The following SLC12A3 variants were observed in gnomAD, a reference collection of about 807,000 sequenced individuals.
SLC12A3 encodes solute carrier family 12 member 3.
In SLC12A3, 104 loss-of-function variants were observed where a neutral mutation model predicts 121.0. That is an observed-to-expected ratio of 0.86 (90% CI 0.73 to 1.01). The LOEUF is 1.01. SLC12A3 is among the 50% of genes least tolerant of loss of function. SLC12A3 has a pLI of 0.00. For synonymous variants in SLC12A3, 536 were observed against 533.4 expected (o/e 1.00, Z -0.07); for missense variants, 1,328 against 1,356.3 (o/e 0.98, Z 0.33).
At position 56,868,372 on chromosome 16, in the gene SLC12A3, G is replaced by C. The variant is rs201650578; in HGVS notation, c.505G>C (p.Val169Leu). ...CTGGATTACGGCCCAGGCAGGCATC[G>C]GTGAGTGCCCCTCTGGGGAAGAGGA... ...LPWITAQAGIVLTWIIILLSV... is the reference protein window; with the variant it reads ...LPWITAQAGILLTWIIILLSV... The change falls in exon 3 of 26, where the codon GTC becomes CTC. Residue 169 changes from valine (V) to leucine (L), a missense_variant and splice_region_variant. By Grantham distance (32) the Val-to-Leu change is conservative (BLOSUM62 1). Coordinates refer to ENST00000563236, the MANE Select transcript of SLC12A3 (RefSeq NM_001126108.2). 5.0e-6 allele frequency: 8 copies of C among 1,611,670 alleles called. No homozygotes were observed. In the Admixed American group the frequency reaches 1.2e-4, roughly 24 times the overall value.
chr16:56,915,137 G>T lies in SLC12A3; in HGVS notation c.*1732G>T. The stretch of plus-strand genomic sequence containing the variant: ...TGCCAGTGGGTGAGGCCAAGTGAGG[G>T]TATTTGCAGCTCTAGACATAACCAA... On this transcript the variant is annotated 3_prime_UTR_variant, in exon 26 of 26. Transcript: ENST00000563236. 6.6e-6 allele frequency: 1 copy of T among 152,390 alleles called. No homozygotes were observed. The highest frequency in any genetic ancestry group is 1.5e-5 in the Non-Finnish European group (1 of 68,094). The allele number at this position is 152,390 out of a possible 1,614,324, so 9.4% of individuals were successfully genotyped here. A position where few individuals can be genotyped will look rare whatever the true frequency, so the allele number is the denominator to read the frequency against.
At chr16:56,888,381 G>A (rs144580397) in intron 18 of SLC12A3, among the ~76,000 whole-genome samples, 197 of 152,242 alleles carry the variant, frequency 1.3e-3, no homozygotes, top group Middle Eastern at 3.4e-3. Context: ...AAAGCCAGCT[G>A]GGGCCAGGCA....
rs1208533133 is a variant in SLC12A3, at chr16:56,914,360, C to T, written c.*955C>T. ...ACTTCACACTGAGACTTGCAGCGCA[C>T]ACACACGGAAACGACCAAAACAAAA... On this transcript the variant is annotated 3_prime_UTR_variant, in exon 26 of 26. Coordinates refer to ENST00000563236, the MANE Select transcript of SLC12A3 (RefSeq NM_001126108.2). 3 of 152,242 alleles carry T rather than the reference C, an allele frequency of 2.0e-5. No individual in the cohort carries two copies. The highest frequency in any genetic ancestry group is 1.3e-4 in the Admixed American group (2 of 15,288). The allele number at this position is 152,242 out of a possible 1,614,324, so 9.4% of individuals were successfully genotyped here. A position where few individuals can be genotyped will look rare whatever the true frequency, so the allele number is the denominator to read the frequency against.
intron 13 of SLC12A3, among the ~76,000 whole-genome samples, chr16:56,882,898 C>T (rs999070454): frequency 9.2e-5 from 14 of 152,016 alleles, no homozygotes; most frequent in South Asian, 2.1e-4. Flanking sequence ...GCAGAGATCG[C>T]GCCATTGCAC....
chr16:56,869,176 G>A (rs542131839), intron 3 of SLC12A3, among the ~76,000 whole-genome samples: 3 of 152,232 alleles, frequency 2.0e-5, no homozygotes, highest in East Asian at 1.9e-4. Flanking sequence ...AAAACACAGC[G>A]CAGATTTGGC....
intron 13 of SLC12A3, 114 bp downstream of exon 13, chr16:56,882,611 C>T (rs938654613): frequency 2.5e-6 from 2 of 786,798 alleles, no homozygotes; most frequent in African/African-American, 3.4e-5. Context: ...GGTCACCTCT[C>T]AATTTAAAAC....
chr16:56,879,133 G>T lies in SLC12A3; in HGVS notation c.1241G>T (p.Gly414Val), dbSNP rs752594293. The part of the protein sequence containing the change: ...VLNDTVTPGW[G>V]ACEGLACSYG... ...AATGACACAGTGACCCCTGGCTGGG[G>T]TGCCTGCGAGGGGCTGGCCTGCAGC... Residue 414 changes from glycine to valine, a missense_variant, in exon 10 of 26, where the codon GGT (glycine) becomes GTT (valine). Coordinates refer to ENST00000563236, the MANE Select transcript of SLC12A3 (RefSeq NM_001126108.2). The T allele has an allele frequency of 1.9e-6, 3 of 1,613,774 alleles. No homozygotes were observed. Among genetic ancestry groups the T allele is most frequent in the East Asian group, 2.2e-5 (1 of 44,880 alleles).
At chr16:56,878,747 A>G (rs1265866306) in intron 9 of SLC12A3, among the ~76,000 whole-genome samples, 2 of 152,126 alleles carry the variant, frequency 1.3e-5, no homozygotes, top group Non-Finnish European at 2.9e-5. Context: ...ACAAATGGCC[A>G]AGGGACTTGG....
rs1260866862 is a variant in SLC12A3 at position 56,893,157 on chromosome 16, TC to T, written c.2521+105del. 3.1e-5 allele frequency: 29 copies of T among 947,046 alleles called. No individual in the cohort carries two copies. In the African/African-American group the frequency reaches 3.9e-4, roughly 13 times the overall value. The allele number at this position is 947,046 out of a possible 1,614,324, so 58.7% of individuals were successfully genotyped here. On this transcript the variant is annotated intron_variant, in intron 21 of 25. Transcript: ENST00000563236. ...GCCTGCTCTCAAAGGGGACAGGGGC[TC>T]CTGGGCCCAGCAGTGAGCTCAGGGG...
At position 56,868,294 on chromosome 16, in the gene SLC12A3, C is replaced by A. The variant is rs1964407153; in HGVS notation, c.430-3C>A. 1 of 1,613,930 alleles carries A rather than the reference C, an allele frequency of 6.2e-7. No homozygotes were observed. Among genetic ancestry groups the A allele is most frequent in the Non-Finnish European group, 8.5e-7 (1 of 1,179,954 alleles). Reference sequence around the variant, plus strand: ...GTGGCCTCTGACCCCCCTGTCCTCCCAGATTCGTTGCATGCTCAACATTTG... The same window carrying A: ...GTGGCCTCTGACCCCCCTGTCCTCCAAGATTCGTTGCATGCTCAACATTTG... On this transcript the variant is annotated splice_polypyrimidine_tract_variant and splice_region_variant and intron_variant, in intron 2 of 25. Coordinates refer to ENST00000563236, the MANE Select transcript of SLC12A3 (RefSeq NM_001126108.2).
At chr16:56,878,402 C>G (rs1415549015) in intron 9 of SLC12A3, among the ~76,000 whole-genome samples, 3 of 152,060 alleles carry the variant, frequency 2.0e-5, no homozygotes, top group African/African-American at 7.2e-5. Flanking sequence ...AGACCAGGCT[C>G]CTTGGGTCCC....
At chr16:56,883,394 C>T (rs370125651) in intron 13 of SLC12A3, among the ~76,000 whole-genome samples, 1 of 151,442 alleles carries the variant, frequency 6.6e-6, no homozygotes, top group African/African-American at 2.4e-5. Flanking sequence ...CATTCTCCCA[C>T]CTCAGCCTCC....
chr16:56,913,116 C>A (rs2055707756), intron 25 of SLC12A3, 148 bp from the exon 26 acceptor site: 4 of 982,498 alleles, frequency 4.1e-6, no homozygotes, highest in Non-Finnish European at 6.3e-6. Context: ...CAGGTTTGTG[C>A]GGAAAGTGGG....
intron 20 of SLC12A3, 64 bp downstream of exon 20, chr16:56,892,197 C>G: frequency 5.9e-6 from 9 of 1,529,902 alleles, no homozygotes; most frequent in Non-Finnish European, 7.2e-6. Context: ...GCACTCTAGC[C>G]CTGTGGGGTG....
chr16:56,902,320 C>A lies in SLC12A3; in HGVS notation c.2721-53C>A, dbSNP rs547456189. ...AGCTCCCCGCAGGGACCTGGCACCC[C>A]TAGAAATGGGGTTATCGTCTCAGCC... On this transcript the variant is annotated intron_variant, in intron 23 of 25. Coordinates refer to ENST00000563236, the MANE Select transcript of SLC12A3 (RefSeq NM_001126108.2). 1.6e-3 allele frequency: 2,550 copies of A among 1,613,182 alleles called. 36 individuals carry two copies. In the South Asian group the frequency reaches 0.021, roughly 13 times the overall value.
chr16:56,880,048 CG>C, intron 11 of SLC12A3, 81 bp from the exon 12 acceptor site: 1 of 1,565,220 alleles, frequency 6.4e-7, no homozygotes, highest in Non-Finnish European at 8.7e-7. Flanking sequence ...GGCACCGAGC[CG>C]GGGCTGGAGC....
At chr16:56,909,316 CAA>C (rs113559082) in intron 25 of SLC12A3, among the ~76,000 whole-genome samples, 27 of 131,714 alleles carry the variant, frequency 2.0e-4, no homozygotes, top group African/African-American at 2.7e-4. Context: ...AAAAAGAAAG[CAA>C]AAAAAAAAAA....
rs1298687889 is a variant in SLC12A3, at chr16:56,893,048, G to A, written c.2515G>A (p.Asp839Asn). ...KTIDIYWLFD[D>N]GGLTLLIPYL... ...CATAGACATCTACTGGCTCTTTGAC[G>A]ATGGAGGTCAGTGACCCCCTTGGAT... The change falls in exon 21 of 26, where the codon GAT becomes AAT. Residue 839 changes from aspartate to asparagine, a missense_variant. By Grantham distance (23) the Asp-to-Asn change is conservative. Coordinates refer to ENST00000563236, the MANE Select transcript of SLC12A3 (RefSeq NM_001126108.2). The A allele has an allele frequency of 7.4e-6, 12 of 1,613,680 alleles. No homozygotes were observed. Among genetic ancestry groups the A allele is most frequent in the South Asian group, 1.1e-5 (1 of 91,072 alleles).
rs977193488 is a variant in SLC12A3 at position 56,886,863 on chromosome 16, C to T, written c.2038-90C>T. ...GGGCACCGTGGGTGCTGCCAAGCCC[C>T]TGGGGCAGCCTCCAGGGCAGGAGAG... On this transcript the variant is annotated intron_variant, in intron 16 of 25. Transcript: ENST00000563236. The T allele has an allele frequency of 5.7e-5, 91 of 1,582,778 alleles. 3 individuals are homozygous for T. In the South Asian group the frequency reaches 9.6e-4, roughly 17 times the overall value.
Sources: gnomAD v4.1 joint callset for allele counts (sites outside exome capture counted in the v4.1 genomes callset) on GRCh38, gnomAD v4.1.1 for gene constraint, MANE v1.5 for transcripts, NCBI Gene and HGNC (gene_info 2026-07-23, HGNC 2026-07-21) for gene names.